CSMD3: variants seen among roughly 807,000 people sequenced by gnomAD.
CSMD3 encodes CUB and Sushi multiple domains 3.
Under a neutral mutation model 435.2 loss-of-function variants are expected in CSMD3, and 177 were observed. The observed-to-expected ratio is 0.41, with a 90% CI of 0.36 to 0.46. The LOEUF (loss-of-function observed/expected upper bound fraction) is 0.46, where lower values mean the gene tolerates loss of function less well. Among genes scored for constraint, CSMD3 ranks in the 20% least tolerant of loss-of-function variants. The probability of loss-of-function intolerance (pLI) is 0.34; values close to 1 mark genes in which losing one functional copy is unlikely to be tolerated. For missense variants in CSMD3, 4,265 were observed against 4,504.6 expected (o/e 0.95, Z 1.52); for synonymous variants, 1,656 against 1,520.5 (o/e 1.09, Z -2.07).
intron 7 of CSMD3, among the ~76,000 whole-genome samples, chr8:112,969,113 C>G (rs1381359801): frequency 6.6e-6 from 1 of 151,824 alleles, no homozygotes; most frequent in Non-Finnish European, 1.5e-5. Flanking sequence ...AGTGTTACAC[C>G]AGTTCTTGAA....
At chr8:112,433,654 C>CAAAAAAAAAAAAAA (rs35572894) in intron 32 of CSMD3, among the ~76,000 whole-genome samples, 23 of 93,150 alleles carry the variant, frequency 2.5e-4, no homozygotes, top group Non-Finnish European at 3.3e-4. Context: ...GAGAACCTGT[C>CAAAAAAAAAAAAAA]AAAAAAAAAA....
In CSMD3 at chr8:113,019,550, T is replaced by C. The variant is rs187160139; in HGVS notation, c.918-371A>G. On this transcript the variant is annotated intron_variant, in intron 5 of 70. Transcript: ENST00000297405. ...ATATTGTTTATTATTTATTATATCT[T>C]ATTTATTATTTATTATATATATTGT... is the stretch of plus-strand genomic sequence containing the variant. Among the ~76,000 whole-genome samples the C allele has an allele frequency of 2.5e-3, 377 of 148,552 alleles. 1 individual carries two copies. Among genetic ancestry groups the C allele is most frequent in the Non-Finnish European group, 4.1e-3 (277 of 67,312 alleles).
At chr8:112,530,429 CA>C (rs1472953209) in intron 27 of CSMD3, among the ~76,000 whole-genome samples, 1 of 152,056 alleles carries the variant, frequency 6.6e-6, no homozygotes, top group African/African-American at 2.4e-5. Context: ...CAACTTGTCA[CA>C]TATAAGGGAA....
rs148674886 is a variant in CSMD3, at chr8:113,200,128, A to G, written c.515-26212T>C. On this transcript the variant is annotated intron_variant, in intron 3 of 70. Coordinates refer to ENST00000297405, the MANE Select transcript of CSMD3 (RefSeq NM_198123.2). Reference sequence around the variant, plus strand: ...CTTCCCAGTTTTTGCCATCTTAATAACCGGCAGCATTTTACCAATTGTTGA... The same window carrying G: ...CTTCCCAGTTTTTGCCATCTTAATAGCCGGCAGCATTTTACCAATTGTTGA... Among the ~76,000 whole-genome samples the G allele has an allele frequency of 8.3e-3, 1,268 of 151,898 alleles. 17 individuals are homozygous for G. Among genetic ancestry groups the G allele is most frequent in the African/African-American group, 0.029 (1,187 of 41,490 alleles).
At chr8:112,903,023 G>T (rs1456372643) in intron 10 of CSMD3, among the ~76,000 whole-genome samples, 1 of 151,100 alleles carries the variant, frequency 6.6e-6, no homozygotes, top group Non-Finnish European at 1.5e-5. Context: ...TGATGAAATG[G>T]TTGAGGCATA....
intron 1 of CSMD3, among the ~76,000 whole-genome samples, chr8:113,358,991 A>C (rs1307638849): frequency 3.9e-5 from 6 of 152,170 alleles, no homozygotes; most frequent in African/African-American, 9.6e-5. Flanking sequence ...AAAGTTGATA[A>C]TATTAAAGAT....
In CSMD3 at chr8:112,863,157, G is replaced by A. The variant is rs561411482; in HGVS notation, c.1634-3891C>T. Among the ~76,000 whole-genome samples the A allele has an allele frequency of 6.6e-5, 10 of 151,656 alleles. No homozygotes were observed. The East Asian group carries it at 7.7e-4, about 12-fold the overall frequency. On this transcript the variant is annotated intron_variant, in intron 10 of 70. Coordinates refer to ENST00000297405, the MANE Select transcript of CSMD3 (RefSeq NM_198123.2). ...TTTCTTACAGACTTTTGTTGTTTTC[G>A]ATTTTGCTTTGAATTAACTTTTCTC... is the stretch of plus-strand genomic sequence containing the variant.
At chr8:113,034,182 G>A (rs1360777918) in intron 5 of CSMD3, among the ~76,000 whole-genome samples, 1 of 151,194 alleles carries the variant, frequency 6.6e-6, no homozygotes, top group Non-Finnish European at 1.5e-5. Flanking sequence ...ATTATTTATT[G>A]CAATTCAATG....
rs1397860815 is a variant in CSMD3 at position 112,830,784 on chromosome 8, CA to C, written c.1756-996del. Reference sequence around the variant, plus strand: ...TCTTGGCTTTTTTTTGTTATAATAACAATTTTTTTTTTTTTTTTTTTAGATG... The same window carrying C: ...TCTTGGCTTTTTTTTGTTATAATAACATTTTTTTTTTTTTTTTTTTAGATG... On this transcript the variant is annotated intron_variant, in intron 11 of 70. Transcript: ENST00000297405. Among the ~76,000 whole-genome samples the C allele has an allele frequency of 9.7e-4, 140 of 144,722 alleles. 1 individual carries two copies. The highest frequency in any genetic ancestry group is 3.5e-3 in the African/African-American group (137 of 39,278). 94.9% of individuals were successfully genotyped at this position (144,722 alleles called of 152,430 possible).
intron 10 of CSMD3, among the ~76,000 whole-genome samples, chr8:112,897,590 C>T (rs2081983297): frequency 1.3e-5 from 2 of 150,652 alleles, no homozygotes; most frequent in African/African-American, 4.9e-5. Context: ...TAATTTTAAC[C>T]TAAGTATCAA....
At chr8:112,358,925 GT>G (rs1374792652) in intron 38 of CSMD3, among the ~76,000 whole-genome samples, 3 of 151,766 alleles carry the variant, frequency 2.0e-5, no homozygotes, top group African/African-American at 7.3e-5. Flanking sequence ...TTAAAATTAT[GT>G]TTTTTTAAAA....
At chr8:112,342,122 G>A (rs1825178937) in intron 41 of CSMD3, among the ~76,000 whole-genome samples, 1 of 152,070 alleles carries the variant, frequency 6.6e-6, no homozygotes, top group Non-Finnish European at 1.5e-5. Context: ...TTCCACAATT[G>A]CATTAGAAGT....
chr8:113,152,271 G>A (rs1378773453), intron 4 of CSMD3, among the ~76,000 whole-genome samples: 1 of 151,906 alleles, frequency 6.6e-6, no homozygotes, highest in Admixed American at 6.6e-5. Flanking sequence ...GAGATCTATA[G>A]CATAATACCA....
At chr8:113,060,828 C>T (rs977942311) in intron 5 of CSMD3, among the ~76,000 whole-genome samples, 4 of 152,116 alleles carry the variant, frequency 2.6e-5, no homozygotes, top group East Asian at 1.9e-4. Flanking sequence ...TACCCTGCAT[C>T]GCAAATCAGC....
intron 4 of CSMD3, among the ~76,000 whole-genome samples, chr8:113,167,367 A>C (rs2092172983): frequency 6.6e-6 from 1 of 152,178 alleles, no homozygotes; most frequent in Non-Finnish European, 1.5e-5. Flanking sequence ...AACCTTCACC[A>C]TTCTGAAATA....
At chr8:112,295,400 G>T (rs1276772359) in intron 54 of CSMD3, among the ~76,000 whole-genome samples, 1 of 151,960 alleles carries the variant, frequency 6.6e-6, no homozygotes, top group Non-Finnish European at 1.5e-5. Context: ...TTGATGTCAT[G>T]ACAGTAGTAT....
At chr8:112,665,952 A>G (rs961262345) in intron 17 of CSMD3, among the ~76,000 whole-genome samples, 31 of 152,098 alleles carry the variant, frequency 2.0e-4, no homozygotes, top group African/African-American at 7.2e-4. Context: ...CTTGAAACCT[A>G]GCAGAGCAGA....
intron 41 of CSMD3, 148 bp from the exon 42 acceptor site, chr8:112,341,834 G>A (rs1272422957): frequency 1.5e-6 from 1 of 688,380 alleles, no homozygotes; most frequent in Non-Finnish European, 2.6e-6. Context: ...TGGATTTGCT[G>A]TCTGCCTAGG....
intron 5 of CSMD3, among the ~76,000 whole-genome samples, chr8:113,043,449 CTG>C (rs1400771416): frequency 6.6e-6 from 1 of 152,144 alleles, no homozygotes; most frequent in Non-Finnish European, 1.5e-5. Context: ...GTTGTCCAAG[CTG>C]TGTTAACCAC....
Sources: allele counts gnomAD v4.1 joint callset (sites outside exome capture counted in the v4.1 genomes callset), GRCh38; gene constraint gnomAD v4.1.1; transcripts MANE v1.5; gene names NCBI Gene and HGNC (gene_info 2026-07-23, HGNC 2026-07-21).